The following PRDM15 variants were observed in gnomAD, a reference collection of about 807,000 sequenced individuals.
The protein encoded by PRDM15 is PR domain zinc finger protein 15.
Under a neutral mutation model 128.6 loss-of-function variants are expected in PRDM15, and 64 were observed. The observed-to-expected ratio is 0.50, with a 90% CI of 0.41 to 0.61. PRDM15 has a LOEUF of 0.61. Ranked by LOEUF, PRDM15 falls within the 20% of genes least tolerant of loss-of-function variation. PRDM15 has a pLI of 0.00. For synonymous variants in PRDM15, 615 were observed against 621.8 expected (o/e 0.99, Z 0.16); for missense variants, 1,242 against 1,569.1 (o/e 0.79, Z 3.52).
chr21:41,844,087 T>C (rs2063156423), intron 6 of PRDM15, among the ~76,000 whole-genome samples: 2 of 151,714 alleles, frequency 1.3e-5, no homozygotes, highest in Admixed American at 1.3e-4. Flanking sequence ...ACCTCTTCAA[T>C]AGCCCTTCCA....
chr21:41,877,952 T>G (rs1189602726), intron 1 of PRDM15, among the ~76,000 whole-genome samples: 2 of 152,260 alleles, frequency 1.3e-5, no homozygotes, highest in Non-Finnish European at 2.9e-5. Context: ...GAGGCAGCGA[T>G]GTCAGGAAAT....
intron 18 of PRDM15, among the ~76,000 whole-genome samples, chr21:41,818,465 A>G (rs1395338526): frequency 4.5e-5 from 6 of 132,608 alleles, no homozygotes; most frequent in African/African-American, 1.6e-4. Flanking sequence ...CTTTTTTAAT[A>G]ACCACCCATG....
intron 1 of PRDM15, among the ~76,000 whole-genome samples, chr21:41,861,212 T>C (rs996649995): frequency 2.0e-5 from 3 of 152,232 alleles, no homozygotes; most frequent in African/African-American, 7.2e-5. Flanking sequence ...CCATAAACAC[T>C]TGCTTCTCTG....
At chr21:41,834,559 T>C in intron 11 of PRDM15, 1 of 1,549,560 alleles carries the variant, frequency 6.5e-7, no homozygotes, top group South Asian at 1.2e-5. Context: ...GGGTGTGCTA[T>C]GAGTCCTAGA....
Position 41,859,084 on chromosome 21 carries a change from G to A in PRDM15, c.131+508C>T. 2 of 1,586,772 alleles carry A rather than the reference G, an allele frequency of 1.3e-6. No homozygotes were observed. Among genetic ancestry groups the A allele is most frequent in the Non-Finnish European group, 1.7e-6 (2 of 1,167,880 alleles). On this transcript the variant is annotated intron_variant, in intron 3 of 23. Coordinates refer to ENST00000398548, the MANE Select transcript of PRDM15 (RefSeq NM_001040424.3). This position sits in a 1 kb window ranked among gnomAD's most constrained non-coding sequence, Gnocchi z 5.3. The stretch of plus-strand genomic sequence containing the variant: ...TCCCCCAGGTGAGGGTGGAACGGCA[G>A]GGCAGCTGCTGCCCACTGAGCCGCC...
In PRDM15 at chr21:41,843,426, G is replaced by C. The variant is rs751251590; in HGVS notation, c.641-3573C>G. On this transcript the variant is annotated intron_variant, in intron 6 of 23. Transcript: ENST00000398548. ...CGACAGCAACCTGGGCATTCCCTTT[G>C]CTCCTTTCCCTCAAAGGATCCTCTA... Among the ~76,000 whole-genome samples the C allele has an allele frequency of 2.0e-5, 3 of 152,116 alleles. 1 individual carries two copies. Among genetic ancestry groups the C allele is most frequent in the South Asian group, 4.1e-4 (2 of 4,822 alleles).
chr21:41,854,557 G>T lies in PRDM15; in HGVS notation c.538+9C>A. 1 of 1,611,900 alleles carries T rather than the reference G, an allele frequency of 6.2e-7. No homozygotes were observed. The highest frequency in any genetic ancestry group is 8.5e-7 in the Non-Finnish European group (1 of 1,179,942). On this transcript the variant is annotated intron_variant, in intron 5 of 23. Transcript: ENST00000398548. This position sits in a 1 kb window ranked among gnomAD's most constrained non-coding sequence, Gnocchi z 4.6. ...GAAGGTGGGCTCCGGATCGGGGGCC[G>T]CCACATACCGTGGACGCCAGAGCCG...
At chr21:41,848,488 C>A (rs1247090607) in intron 5 of PRDM15, among the ~76,000 whole-genome samples, 1 of 152,246 alleles carries the variant, frequency 6.6e-6, no homozygotes, top group Non-Finnish European at 1.5e-5. Context: ...TACGCTTGCT[C>A]TCTGAGAATC....
intron 16 of PRDM15, among the ~76,000 whole-genome samples, chr21:41,820,588 C>T (rs575771408): frequency 1.6e-4 from 24 of 152,318 alleles, no homozygotes; most frequent in African/African-American, 5.5e-4. Flanking sequence ...GCGGCCCTGC[C>T]GCCACCGTGA....
intron 21 of PRDM15, among the ~76,000 whole-genome samples, chr21:41,809,947 G>A (rs577188797): frequency 6.6e-6 from 1 of 152,296 alleles, no homozygotes; most frequent in Admixed American, 6.5e-5. Context: ...CTTAGCAAAG[G>A]TCCGCCTGAG....
intron 1 of PRDM15, chr21:41,871,776 G>T (rs2064221365): frequency 2.6e-6 from 2 of 783,358 alleles, no homozygotes. Context: ...TGCTCCTCCA[G>T]ACCTGCTGCG....
chr21:41,809,322 G>A (rs146699519), intron 21 of PRDM15, among the ~76,000 whole-genome samples: 3,325 of 148,190 alleles, frequency 0.022, 128 homozygotes, highest in African/African-American at 0.077. Flanking sequence ...AACCTCCGCC[G>A]CCTGGGTTCA....
In PRDM15 at chr21:41,832,957, G is replaced by A. The variant is rs1364252918; in HGVS notation, c.1366+2480C>T. 6.6e-6 allele frequency among the ~76,000 whole-genome samples: 1 copy of A among 152,188 alleles called. No individual in the cohort carries two copies. The highest frequency in any genetic ancestry group is 1.5e-5 in the Non-Finnish European group (1 of 68,038). ...ACTGCCAGTTCAGGAACCCACAGGG[G>A]CACTGGGTCCCAACAATGCTTCTCC... On this transcript the variant is annotated intron_variant, in intron 11 of 23. Transcript: ENST00000398548. The surrounding 1 kb of genome is among the most constrained non-coding windows in gnomAD (Gnocchi z 4.2).
chr21:41,841,708 T>C (rs1411519334), intron 6 of PRDM15, among the ~76,000 whole-genome samples: 1 of 152,222 alleles, frequency 6.6e-6, no homozygotes, highest in Non-Finnish European at 1.5e-5. Flanking sequence ...ATATATACTC[T>C]ACTTGTTAGA....
intron 22 of PRDM15, 51 bp downstream of exon 22, chr21:41,804,483 G>A (rs542119415): frequency 2.2e-6 from 3 of 1,381,366 alleles, no homozygotes; most frequent in South Asian, 2.5e-5. Context: ...CCTTCTGCAG[G>A]TGTCCACTTA....
Position 41,859,940 on chromosome 21 carries a change from G to A in PRDM15, c.38-255C>T, listed in dbSNP as rs1304061178. On this transcript the variant is annotated intron_variant, in intron 2 of 23. Transcript: ENST00000398548. The surrounding 1 kb of genome is among the most constrained non-coding windows in gnomAD (Gnocchi z 5.3). The stretch of plus-strand genomic sequence containing the variant: ...CGCCCCCAGGGAAAGCTCTAGCTCC[G>A]CCGCACGCCTCAAATCAAGCACGGT... Among the ~76,000 whole-genome samples the A allele has an allele frequency of 4.6e-5, 7 of 152,106 alleles. No individual in the cohort carries two copies. Among genetic ancestry groups the A allele is most frequent in the Admixed American group, 3.9e-4 (6 of 15,276 alleles).
At position 41,802,757 on chromosome 21, in the gene PRDM15, G is replaced by A; in HGVS notation, c.2898C>T (p.Gly966=). The change falls in exon 23 of 24, where the codon GGC becomes GGT. Residue 966 remains glycine, a synonymous_variant. Transcript: ENST00000398548. The part of the protein sequence containing the change: ...EYSEKETEFT[G]SVGDETNSAV... ...CGGAATTGGTCTCGTCGCCTACACT[G>A]CCTGTGAACTCCGTCTCTTTCTCTG... is the stretch of plus-strand genomic sequence containing the variant. The A allele has an allele frequency of 3.7e-6, 6 of 1,614,210 alleles. No homozygotes were observed. The highest frequency in any genetic ancestry group is 5.1e-6 in the Non-Finnish European group (6 of 1,180,028).
At chr21:41,819,477 A>ACCCCCCCTCCCCCCCCC in intron 18 of PRDM15, 105 bp downstream of exon 18, 1 of 380,006 alleles carries the variant, frequency 2.6e-6, no homozygotes, top group South Asian at 3.1e-5. Context: ...CCCCCGCCAC[A>ACCCCCCCTCCCCCCCCC]CCCACCTTCC....
chr21:41,834,439 A>C (rs1387447996), intron 11 of PRDM15: 4 of 1,422,452 alleles, frequency 2.8e-6, no homozygotes, highest in Admixed American at 2.0e-5. Flanking sequence ...AACAAGAACA[A>C]CACAGAGATG....
Sources: gnomAD v4.1 joint callset for allele counts (sites outside exome capture counted in the v4.1 genomes callset) on GRCh38, gnomAD v4.1.1 for gene constraint, Gnocchi (gnomAD v3.1) non-coding constraint, MANE v1.5 for transcripts, NCBI Gene and HGNC (gene_info 2026-07-23, HGNC 2026-07-21) for gene names.